Variants in USP15 observed in about 807,000 individuals in gnomAD.
USP15 encodes ubiquitin specific peptidase 15.
In USP15, 18 loss-of-function variants were observed where a neutral mutation model predicts 127.1. The observed-to-expected ratio is 0.14, with a 90% CI of 0.10 to 0.21. The LOEUF is 0.21. USP15 is among the 10% of genes least tolerant of loss of function. The pLI, the probability that USP15 is intolerant of heterozygous loss-of-function variation, is 1.00. For missense variants in USP15, 805 were observed against 1,159.9 expected, an observed-to-expected ratio of 0.69 and a Z score of 4.44; for synonymous variants, 364 against 393.7, an observed-to-expected ratio of 0.92 and a Z score of 0.89.
chr12:62,329,126 T>C (rs555786476), intron 6 of USP15, among the ~76,000 whole-genome samples: 98 of 152,336 alleles, frequency 6.4e-4, no homozygotes, highest in Non-Finnish European at 1.1e-3. Context: ...CTGGGCATGG[T>C]GGCTTATGCC....
At chr12:62,268,138 ATAATG>A (rs1447335965) in intron 1 of USP15, among the ~76,000 whole-genome samples, 1 of 152,098 alleles carries the variant, frequency 6.6e-6, no homozygotes, top group African/African-American at 2.4e-5. Flanking sequence ...GGTTCCATAT[ATAATG>A]TAATATATTT....
At chr12:62,369,931 C>T (rs1341678565) in intron 8 of USP15, among the ~76,000 whole-genome samples, 5 of 152,054 alleles carry the variant, frequency 3.3e-5, no homozygotes, top group African/African-American at 1.2e-4. Flanking sequence ...CCCCTCTTAC[C>T]ATCCCTGAGA....
At chr12:62,309,208 A>G (rs1417686796) in intron 3 of USP15, among the ~76,000 whole-genome samples, 2 of 152,098 alleles carry the variant, frequency 1.3e-5, no homozygotes, top group Non-Finnish European at 2.9e-5. Context: ...ATAAAAAGAG[A>G]GTAGGCACAA....
Position 62,389,823 on chromosome 12 carries a change from A to G in USP15, c.1679A>G (p.Glu560Gly). 3 of 1,613,420 alleles carry G rather than the reference A, an allele frequency of 1.9e-6. No homozygotes were observed. The South Asian group carries it at 3.3e-5, about 18-fold the overall frequency. Reference protein sequence around the residue: ...YVFEININRTEDTEHVIIPVC... With the variant: ...YVFEININRTGDTEHVIIPVC... ...TTTGAAATTAACATCAATAGGACAG[A>G]AGATACAGAGCACGTGATTATTCCT... The change falls in exon 14 of 22, where the codon GAA (glutamate) becomes GGA (glycine). Residue 560 changes from glutamate to glycine, a missense_variant. Physicochemically the swap from Glu to Gly is moderately conservative, Grantham distance 98. Coordinates refer to ENST00000280377, the MANE Select transcript of USP15 (RefSeq NM_001252078.2).
chr12:62,349,692 A>G (rs1432873774), intron 7 of USP15, among the ~76,000 whole-genome samples: 1 of 152,104 alleles, frequency 6.6e-6, no homozygotes, highest in African/African-American at 2.4e-5. Flanking sequence ...TGGAAAGCAC[A>G]CAATAAATTT....
At chr12:62,316,420 TATATTC>T (rs2064832009) in intron 4 of USP15, among the ~76,000 whole-genome samples, 1 of 152,068 alleles carries the variant, frequency 6.6e-6, no homozygotes, top group African/African-American at 2.4e-5. Context: ...ATTTGTAGAA[TATATTC>T]AGGAAAATAA....
Position 62,294,191 on chromosome 12 carries a change from T to C in USP15, c.102T>C (p.Asp34=). The C allele has an allele frequency of 1.2e-6, 2 of 1,613,140 alleles. No individual in the cohort carries two copies. The highest frequency in any genetic ancestry group is 1.7e-6 in the Non-Finnish European group (2 of 1,179,606). ...TTTTATTTTTTAGGTACCTAGTCGA[T>C]AGTCGCTGGTTCAAACAGTGGAAAA... ...LRKGDTWYLV[D]SRWFKQWKKY... The change falls in exon 2 of 22, where the codon GAT becomes GAC. Residue 34 remains aspartate (D), a synonymous_variant. Transcript: ENST00000280377.
chr12:62,273,592 G>A (rs1275884956), intron 1 of USP15, among the ~76,000 whole-genome samples: 2 of 152,000 alleles, frequency 1.3e-5, no homozygotes, highest in African/African-American at 4.8e-5. Context: ...CTGATTTCAG[G>A]AGATAAGAAT....
intron 17 of USP15, 127 bp from the exon 18 acceptor site, chr12:62,392,145 C>A: frequency 1.4e-6 from 1 of 738,500 alleles, no homozygotes; most frequent in Non-Finnish European, 2.2e-6. Context: ...TAAATCTCAA[C>A]TGAAATAAGC....
In USP15 at chr12:62,405,141, C is replaced by G; in HGVS notation, c.*766C>G. The G allele has an allele frequency of 6.6e-6, 1 of 152,156 alleles. No homozygotes were observed. Among genetic ancestry groups the G allele is most frequent in the African/African-American group, 2.4e-5 (1 of 41,552 alleles). The allele number at this position is 152,156 out of a possible 1,614,324, so 9.4% of individuals were successfully genotyped here. A position where few individuals can be genotyped will look rare whatever the true frequency, so the allele number is the denominator to read the frequency against. ...CAAAAACATTTTTTGCTTTAAAATG[C>G]ATATCTTTAATTGGGTGTTGGTCCA... On this transcript the variant is annotated 3_prime_UTR_variant, in exon 22 of 22. Coordinates refer to ENST00000280377, the MANE Select transcript of USP15 (RefSeq NM_001252078.2).
chr12:62,366,936 G>C (rs1282158093), intron 8 of USP15, among the ~76,000 whole-genome samples: 1 of 152,142 alleles, frequency 6.6e-6, no homozygotes, highest in Non-Finnish European at 1.5e-5. Flanking sequence ...TTGATGTGGT[G>C]CTGGATTCGG....
In USP15 at chr12:62,349,259, T is replaced by C; in HGVS notation, c.722T>C (p.Ile241Thr). The change falls in exon 7 of 22, where the codon ATC (isoleucine) becomes ACC (threonine). Residue 241 changes from isoleucine to threonine, a missense_variant. Transcript: ENST00000280377. ...GASNFSTLPK[I>T]SPSSLSNNYN... ...TCCAATTTTTCAACTTTACCAAAGA[T>C]CTCTCCTTCATCTCTATCAAATAAT... The C allele has an allele frequency of 6.6e-7, 1 of 1,508,966 alleles. No individual in the cohort carries two copies. Among genetic ancestry groups the C allele is most frequent in the African/African-American group, 1.4e-5 (1 of 72,208 alleles). The allele number at this position is 1,508,966 out of a possible 1,614,324, so 93.5% of individuals were successfully genotyped here.
rs1264087919 is a variant in USP15 at position 62,383,875 on chromosome 12, A to T, written c.1125A>T (p.Gly375=). The T allele has an allele frequency of 1.2e-6, 2 of 1,612,764 alleles. No individual in the cohort carries two copies. The highest frequency in any genetic ancestry group is 2.7e-5 in the African/African-American group (2 of 74,882). The change falls in exon 10 of 22, where the codon GGA becomes GGT. Residue 375 remains glycine (G), a synonymous_variant. Transcript: ENST00000280377. ...GACGTTTTGCACCTCAGTTCTCTGG[A>T]TATCAGCAGCAAGACTGTCAAGAAC... ...QVGRFAPQFS[G]YQQQDCQELL...
At chr12:62,399,531 T>C (rs1356133835) in intron 20 of USP15, among the ~76,000 whole-genome samples, 2 of 152,196 alleles carry the variant, frequency 1.3e-5, no homozygotes, top group African/African-American at 4.8e-5. Context: ...TAGATTGTTT[T>C]CTCATTTCTG....
At chr12:62,364,149 G>A (rs1256142072) in intron 8 of USP15, among the ~76,000 whole-genome samples, 4 of 152,232 alleles carry the variant, frequency 2.6e-5, no homozygotes, top group South Asian at 2.1e-4. Flanking sequence ...AAAGACGTCC[G>A]AGAACTAAGC....
chr12:62,380,078 C>T (rs2066943730), intron 8 of USP15, among the ~76,000 whole-genome samples: 1 of 151,948 alleles, frequency 6.6e-6, no homozygotes, highest in South Asian at 2.1e-4. Flanking sequence ...ACTCTAAAGG[C>T]CTATATAGCT....
At chr12:62,332,697 T>G (rs934584231) in intron 6 of USP15, among the ~76,000 whole-genome samples, 3 of 152,136 alleles carry the variant, frequency 2.0e-5, no homozygotes, top group African/African-American at 7.2e-5. Flanking sequence ...CAGAGAAAAA[T>G]GTACTATCGT....
intron 8 of USP15, among the ~76,000 whole-genome samples, chr12:62,373,311 A>G (rs2066731888): frequency 1.3e-5 from 2 of 151,058 alleles, no homozygotes; most frequent in Non-Finnish European, 3.0e-5. Context: ...AAAAGGATTG[A>G]CATTTCTTTG....
chr12:62,414,185 G>C lies in USP15; in HGVS notation c.*9810G>C, dbSNP rs940897554. 6.6e-6 allele frequency: 1 copy of C among 152,132 alleles called. No homozygotes were observed. 9.4% of individuals were successfully genotyped at this position (152,132 alleles called of 1,614,324 possible). On this transcript the variant is annotated 3_prime_UTR_variant, in exon 22 of 22. Coordinates refer to ENST00000280377, the MANE Select transcript of USP15 (RefSeq NM_001252078.2). ...TGAAATGTGAGAAGTACCAAGATATGACACACACACAGTAAGCACATTCTG... is the reference window on the plus strand; with the variant it reads ...TGAAATGTGAGAAGTACCAAGATATCACACACACACAGTAAGCACATTCTG...
Sources: allele counts gnomAD v4.1 joint callset (sites outside exome capture counted in the v4.1 genomes callset), GRCh38; gene constraint gnomAD v4.1.1; transcripts MANE v1.5; gene names NCBI Gene and HGNC (gene_info 2026-07-23, HGNC 2026-07-21).